Variants in UNC5D observed in about 807,000 individuals in gnomAD.
UNC5D encodes the protein netrin receptor UNC5D.
A neutral mutation model predicts 105.4 loss-of-function variants in UNC5D; 39 were observed. The observed-to-expected ratio is 0.37, with a 90% confidence interval of 0.29 to 0.48. UNC5D has a LOEUF of 0.48. Among genes scored for constraint, UNC5D ranks in the 20% least tolerant of loss-of-function variants. UNC5D has a pLI of 0.98. For synonymous variants in UNC5D, 452 were observed against 450.4 expected, an observed-to-expected ratio of 1.00 and a Z score of -0.04; for missense variants, 991 against 1,202.4, an observed-to-expected ratio of 0.82 and a Z score of 2.60.
chr8:35,625,582 A>G (rs1407165895), intron 4 of UNC5D, among the ~76,000 whole-genome samples: 2 of 152,230 alleles, frequency 1.3e-5, no homozygotes, highest in Non-Finnish European at 1.5e-5. Flanking sequence ...CTATATTGTA[A>G]TAAAACAATG....
At chr8:35,277,886 T>C (rs1461260622) in intron 1 of UNC5D, among the ~76,000 whole-genome samples, 1 of 152,186 alleles carries the variant, frequency 6.6e-6, no homozygotes, top group Admixed American at 6.5e-5. Flanking sequence ...TCAGAGATGG[T>C]ATTGAATGTT....
chr8:35,259,145 C>T (rs1214479625), intron 1 of UNC5D, among the ~76,000 whole-genome samples: 1 of 151,996 alleles, frequency 6.6e-6, no homozygotes, highest in Non-Finnish European at 1.5e-5. Context: ...CCAGTCCTTT[C>T]GATAATGTAA....
intron 11 of UNC5D, among the ~76,000 whole-genome samples, chr8:35,733,457 G>A (rs1829301303): frequency 6.6e-6 from 1 of 152,130 alleles, no homozygotes; most frequent in African/African-American, 2.4e-5. Flanking sequence ...CTTGTGCTGA[G>A]AAGAAGGCCC....
chr8:35,395,830 C>T (rs1804062719), intron 1 of UNC5D, among the ~76,000 whole-genome samples: 1 of 152,202 alleles, frequency 6.6e-6, no homozygotes, highest in African/African-American at 2.4e-5. Flanking sequence ...TCACAGTCCT[C>T]ACATGTCTTG....
At chr8:35,393,216 T>C (rs1241816169) in intron 1 of UNC5D, among the ~76,000 whole-genome samples, 3 of 134,910 alleles carry the variant, frequency 2.2e-5, no homozygotes, top group Non-Finnish European at 3.1e-5. Flanking sequence ...CACTGCAGGC[T>C]CCGCCCCCTG....
At chr8:35,687,496 G>A (rs1370800539) in intron 7 of UNC5D, among the ~76,000 whole-genome samples, 1 of 151,176 alleles carries the variant, frequency 6.6e-6, no homozygotes, top group East Asian at 2.0e-4. Context: ...ACCTGAGGAA[G>A]TGGGTGGCTT....
intron 11 of UNC5D, among the ~76,000 whole-genome samples, chr8:35,745,884 T>C (rs544564796): frequency 6.6e-6 from 1 of 152,132 alleles, no homozygotes; most frequent in East Asian, 1.9e-4. Flanking sequence ...ATGTGTTACC[T>C]TTTTTTTCCC....
chr8:35,677,208 C>T (rs756902995), intron 4 of UNC5D, among the ~76,000 whole-genome samples: 2 of 152,004 alleles, frequency 1.3e-5, no homozygotes, highest in Non-Finnish European at 2.9e-5. Context: ...GATTATTAAG[C>T]AAAAATGAGT....
At chr8:35,597,737 T>G (rs554105497) in intron 4 of UNC5D, among the ~76,000 whole-genome samples, 1 of 152,312 alleles carries the variant, frequency 6.6e-6, no homozygotes, top group South Asian at 2.1e-4. Context: ...CTTAGATATT[T>G]ACTGGCATAA....
At chr8:35,585,217 C>T (rs980845464) in intron 3 of UNC5D, among the ~76,000 whole-genome samples, 4 of 152,152 alleles carry the variant, frequency 2.6e-5, no homozygotes, top group Admixed American at 1.3e-4. Flanking sequence ...AGAGGGATTA[C>T]AGAGCACAAG....
intron 1 of UNC5D, among the ~76,000 whole-genome samples, chr8:35,256,959 GT>G (rs71541893): frequency 2.0e-3 from 209 of 102,544 alleles, no homozygotes; most frequent in African/African-American, 6.6e-3. Flanking sequence ...CTCTTTTTTT[GT>G]TTTTTTTTTT....
At chr8:35,406,199 A>T (rs528159695) in intron 1 of UNC5D, among the ~76,000 whole-genome samples, 1 of 152,310 alleles carries the variant, frequency 6.6e-6, no homozygotes, top group South Asian at 2.1e-4. Flanking sequence ...GCCTTTAAAA[A>T]TAACTGAATT....
intron 2 of UNC5D, among the ~76,000 whole-genome samples, chr8:35,559,615 G>A (rs540381784): frequency 6.6e-6 from 1 of 152,322 alleles, no homozygotes; most frequent in Admixed American, 6.5e-5. Flanking sequence ...GGTACTGAAT[G>A]TTAACTACTA....
chr8:35,524,664 A>G (rs1341056552), intron 1 of UNC5D, among the ~76,000 whole-genome samples: 1 of 149,948 alleles, frequency 6.7e-6, no homozygotes, highest in Non-Finnish European at 1.5e-5. Flanking sequence ...AAGAAAAAAG[A>G]AAAAAGAAAA....
At chr8:35,767,131 TA>T in intron 15 of UNC5D, 65 bp downstream of exon 15, 1 of 1,501,478 alleles carries the variant, frequency 6.7e-7, no homozygotes, top group South Asian at 1.3e-5. Context: ...AATAAAGCTA[TA>T]CCTACCAGCC....
intron 1 of UNC5D, among the ~76,000 whole-genome samples, chr8:35,370,315 G>C (rs1802358867): frequency 6.6e-6 from 1 of 152,210 alleles, no homozygotes; most frequent in Admixed American, 6.5e-5. Context: ...AATATAGTTT[G>C]TAGTAACAGA....
intron 1 of UNC5D, among the ~76,000 whole-genome samples, chr8:35,537,286 A>T (rs1173231456): frequency 6.6e-6 from 1 of 152,224 alleles, no homozygotes; most frequent in Non-Finnish European, 1.5e-5. Flanking sequence ...CCAATAACTA[A>T]CAAATATCTC....
chr8:35,756,561 A>T (rs938393855), intron 13 of UNC5D, among the ~76,000 whole-genome samples: 11 of 150,254 alleles, frequency 7.3e-5, no homozygotes, highest in African/African-American at 2.7e-4. Context: ...TAAAAAAAAA[A>T]AAAAAAGAAA....
chr8:35,684,777 C>A, intron 6 of UNC5D, 28 bp downstream of exon 6: 1 of 1,580,926 alleles, frequency 6.3e-7, no homozygotes, highest in South Asian at 1.2e-5. Context: ...TCCCTTTTCC[C>A]TTCTGATCCA....
Sources: allele counts gnomAD v4.1 joint callset (sites outside exome capture counted in the v4.1 genomes callset), GRCh38; gene constraint gnomAD v4.1.1; transcripts MANE v1.5; gene names NCBI Gene and HGNC (gene_info 2026-07-23, HGNC 2026-07-21).